MBOAT1: variants seen among roughly 807,000 people sequenced by gnomAD.
MBOAT1 encodes the protein membrane-bound glycerophospholipid O-acyltransferase 1.
In MBOAT1, 67 loss-of-function variants were observed where a neutral mutation model predicts 64.4. The ratio of observed to expected loss-of-function variants is 1.04; its 90% CI spans 0.85 to 1.27. The LOEUF (loss-of-function observed/expected upper bound fraction) is 1.27. MBOAT1 is among the 50% of genes most tolerant of loss of function. The probability of loss-of-function intolerance (pLI) is 0.00; values close to 1 mark genes in which losing one functional copy is unlikely to be tolerated. For synonymous variants in MBOAT1, 229 were observed against 218.9 expected (o/e 1.05, Z -0.41); for missense variants, 563 against 604.6 (o/e 0.93, Z 0.72).
intron 4 of MBOAT1, among the ~76,000 whole-genome samples, chr6:20,133,156 A>C (rs1760881091): frequency 1.3e-5 from 2 of 152,234 alleles, no homozygotes; most frequent in African/African-American, 4.8e-5. Flanking sequence ...TATTTGAAAC[A>C]AGATTGCTAA....
intron 1 of MBOAT1, among the ~76,000 whole-genome samples, chr6:20,155,448 A>T (rs930572715): frequency 1.3e-5 from 2 of 152,206 alleles, no homozygotes; most frequent in Admixed American, 1.3e-4. Context: ...CACTGTCTCT[A>T]CCCTCAAATC....
At chr6:20,117,514 G>A (rs1760363734) in intron 9 of MBOAT1, among the ~76,000 whole-genome samples, 1 of 152,132 alleles carries the variant, frequency 6.6e-6, no homozygotes, top group Non-Finnish European at 1.5e-5. Flanking sequence ...TTTCCCTCTG[G>A]AGGCCGTCCA....
chr6:20,152,337 AATAAAAAAT>A (rs1761523576), intron 2 of MBOAT1, among the ~76,000 whole-genome samples: 1 of 68,882 alleles, frequency 1.5e-5, no homozygotes, highest in South Asian at 4.7e-4. Flanking sequence ...AAAAAAAAAA[AATAAAAAAT>A]AAATAAATAA....
intron 9 of MBOAT1, 55 bp from the exon 10 acceptor site, chr6:20,115,407 GA>G: frequency 7.0e-7 from 1 of 1,426,972 alleles, no homozygotes; most frequent in Non-Finnish European, 9.9e-7. Flanking sequence ...CGAAGTAATG[GA>G]AAGTTCTCCC....
At chr6:20,132,996 A>G (rs1760877720) in intron 4 of MBOAT1, among the ~76,000 whole-genome samples, 1 of 152,220 alleles carries the variant, frequency 6.6e-6, no homozygotes, top group East Asian at 1.9e-4. Context: ...AATAATGAGG[A>G]TACATTTTCA....
At chr6:20,167,707 TC>T (rs1762052202) in intron 1 of MBOAT1, among the ~76,000 whole-genome samples, 1 of 152,180 alleles carries the variant, frequency 6.6e-6, no homozygotes, top group African/African-American at 2.4e-5. Context: ...CCCACCCTAA[TC>T]CCCTAGTTGT....
intron 12 of MBOAT1, among the ~76,000 whole-genome samples, chr6:20,108,891 A>G (rs1760036721): frequency 6.6e-6 from 1 of 152,232 alleles, no homozygotes; most frequent in Non-Finnish European, 1.5e-5. Flanking sequence ...GAGGCTAACA[A>G]CTTGTCAAAG....
chr6:20,130,696 C>G (rs1760797184), intron 5 of MBOAT1, among the ~76,000 whole-genome samples: 1 of 147,216 alleles, frequency 6.8e-6, no homozygotes, highest in Non-Finnish European at 1.5e-5. Context: ...GATAATTTTC[C>G]AAGCCAAAAA....
chr6:20,103,660 C>T (rs945775416), intron 12 of MBOAT1, among the ~76,000 whole-genome samples: 1 of 152,178 alleles, frequency 6.6e-6, no homozygotes, highest in South Asian at 2.1e-4. Context: ...CTCCCAGCCT[C>T]AGGTGATGCA....
At chr6:20,120,399 A>G (rs1760461002) in intron 8 of MBOAT1, among the ~76,000 whole-genome samples, 1 of 152,180 alleles carries the variant, frequency 6.6e-6, no homozygotes, top group Non-Finnish European at 1.5e-5. Context: ...TAGAGATATT[A>G]GGTAACCATT....
chr6:20,120,566 G>A (rs1017025093), intron 8 of MBOAT1, among the ~76,000 whole-genome samples: 1 of 152,106 alleles, frequency 6.6e-6, no homozygotes, highest in African/African-American at 2.4e-5. Flanking sequence ...CTACTCAGGA[G>A]GCTGAGGCAG....
chr6:20,120,277 G>T lies in MBOAT1; in HGVS notation c.908-1737C>A, dbSNP rs140248173. 2.8e-3 allele frequency among the ~76,000 whole-genome samples: 427 copies of T among 152,202 alleles called. 3 individuals are homozygous for T. Among genetic ancestry groups the T allele is most frequent in the Non-Finnish European group, 4.4e-3 (299 of 68,006 alleles). ...ATTCATTTTAAAGGGCTGTTGAAAG[G>T]ATTAAACAAAATTAAATATGTGTGC... On this transcript the variant is annotated intron_variant, in intron 8 of 12. Transcript: ENST00000324607.
intron 2 of MBOAT1, among the ~76,000 whole-genome samples, chr6:20,152,389 A>AT (rs1761540448): frequency 6.7e-6 from 1 of 148,430 alleles, no homozygotes; most frequent in African/African-American, 2.5e-5. Flanking sequence ...TAATTAATTA[A>AT]AAAAAAGAAA....
At chr6:20,175,390 CT>C in intron 1 of MBOAT1, among the ~76,000 whole-genome samples, 1 of 152,070 alleles carries the variant, frequency 6.6e-6, no homozygotes, top group African/African-American at 2.4e-5. Flanking sequence ...TCCCGACTAG[CT>C]AGGACTAGAG....
At chr6:20,113,098 A>C in intron 10 of MBOAT1, 90 bp from the exon 11 acceptor site, 1 of 1,483,688 alleles carries the variant, frequency 6.7e-7, no homozygotes, top group South Asian at 1.4e-5. Flanking sequence ...CCATGCAGAA[A>C]GCATTTGGTT....
At chr6:20,115,951 G>A (rs1760305680) in intron 9 of MBOAT1, among the ~76,000 whole-genome samples, 1 of 150,708 alleles carries the variant, frequency 6.6e-6, no homozygotes, top group Non-Finnish European at 1.5e-5. Context: ...AACCACCGAG[G>A]AAGAGACATC....
intron 3 of MBOAT1, among the ~76,000 whole-genome samples, chr6:20,148,349 A>G (rs1264210736): frequency 6.6e-6 from 1 of 152,138 alleles, no homozygotes; most frequent in African/African-American, 2.4e-5. Flanking sequence ...CTGGGGAGGA[A>G]GAGGTTGCAG....
rs1760058784 is a variant in MBOAT1, at chr6:20,109,545, C to T, written c.1361+53G>A. On this transcript the variant is annotated intron_variant, in intron 12 of 12. Coordinates refer to ENST00000324607, the MANE Select transcript of MBOAT1 (RefSeq NM_001080480.3). Reference sequence around the variant, plus strand: ...AATTTACTGCCTCCTAAGTCAAACACAGTGAAAATAGAGTCATTTACGAGA... The same window carrying T: ...AATTTACTGCCTCCTAAGTCAAACATAGTGAAAATAGAGTCATTTACGAGA... 3.2e-6 allele frequency: 5 copies of T among 1,580,622 alleles called. No homozygotes were observed. The South Asian group carries it at 3.5e-5, about 11-fold the overall frequency.
In MBOAT1 at chr6:20,141,605, G is replaced by T. The variant is rs780479326; in HGVS notation, c.419+2615C>A. Among the ~76,000 whole-genome samples, 18 of 151,906 alleles carry T rather than the reference G, an allele frequency of 1.2e-4. 1 individual carries two copies. Among genetic ancestry groups the T allele is most frequent in the Non-Finnish European group, 2.4e-4 (16 of 67,962 alleles). On this transcript the variant is annotated intron_variant, in intron 4 of 12. Coordinates refer to ENST00000324607, the MANE Select transcript of MBOAT1 (RefSeq NM_001080480.3). ...GTCCAGGCTGGTCTCAAACTCCTGA[G>T]CTCAAGCGATCCTCTTCCTCCTCCT...
Sources: gnomAD v4.1 joint callset for allele counts (sites outside exome capture counted in the v4.1 genomes callset) on GRCh38, gnomAD v4.1.1 for gene constraint, MANE v1.5 for transcripts, NCBI Gene and HGNC (gene_info 2026-07-23, HGNC 2026-07-21) for gene names.